VTA1: variants seen among roughly 807,000 people sequenced by gnomAD.
VTA1 encodes vesicle trafficking 1, also known as vacuolar protein sorting-associated protein VTA1 homolog.
In VTA1, 24 loss-of-function variants were observed where a neutral mutation model predicts 36.9. That is an observed-to-expected ratio of 0.65 (90% confidence interval 0.47 to 0.91). The LOEUF (loss-of-function observed/expected upper bound fraction) is 0.91. Ranked by LOEUF, VTA1 falls within the 40% of genes least tolerant of loss-of-function variation. The pLI, the probability that VTA1 is intolerant of heterozygous loss-of-function variation, is 0.00. For missense variants in VTA1, 393 were observed against 377.2 expected (o/e 1.04, Z -0.35); for synonymous variants, 142 against 130.2 (o/e 1.09, Z -0.62).
chr6:142,215,871 G>C (rs1244423408), intron 7 of VTA1, among the ~76,000 whole-genome samples: 1 of 152,124 alleles, frequency 6.6e-6, no homozygotes, highest in Admixed American at 6.5e-5. Context: ...TGCTGACCCA[G>C]GCTCTCTTTG....
intron 6 of VTA1, among the ~76,000 whole-genome samples, chr6:142,203,395 T>C (rs897028133): frequency 6.6e-6 from 1 of 152,092 alleles, no homozygotes; most frequent in African/African-American, 2.4e-5. Flanking sequence ...TTTAACACTT[T>C]TTGTTAGTTT....
intron 4 of VTA1, among the ~76,000 whole-genome samples, chr6:142,174,568 T>C (rs918211893): frequency 6.6e-6 from 1 of 152,254 alleles, no homozygotes; most frequent in Non-Finnish European, 1.5e-5. Flanking sequence ...TAGGAGACTA[T>C]TGGGAAGGGA....
intron 6 of VTA1, among the ~76,000 whole-genome samples, chr6:142,201,743 A>G (rs1775689402): frequency 6.6e-6 from 1 of 151,952 alleles, no homozygotes; most frequent in East Asian, 1.9e-4. Flanking sequence ...TGTTGTTGAT[A>G]CTCTGGCCTA....
At chr6:142,197,828 A>G (rs1030288102) in intron 5 of VTA1, among the ~76,000 whole-genome samples, 42 of 151,640 alleles carry the variant, frequency 2.8e-4, no homozygotes, top group Admixed American at 1.7e-3. Context: ...TAATTCCAGC[A>G]CTTTGGGAGG....
At chr6:142,147,491 C>T in intron 1 of VTA1, 92 bp downstream of exon 1, 6 of 1,314,490 alleles carry the variant, frequency 4.6e-6, no homozygotes, top group Non-Finnish European at 6.4e-6. Flanking sequence ...TGCCCCGCCC[C>T]CCTCGCTTTA....
Position 142,189,390 on chromosome 6 carries a change from A to G in VTA1, c.412-36A>G, listed in dbSNP as rs768568612. ...AATGTTTACTTTTTACTTCTTTACC[A>G]TAGTCCAATGTTGATATAAAAATGC... On this transcript the variant is annotated intron_variant, in intron 4 of 7. Coordinates refer to ENST00000367630, the MANE Select transcript of VTA1 (RefSeq NM_016485.5). 30 of 1,497,186 alleles carry G rather than the reference A, an allele frequency of 2.0e-5. No individual in the cohort carries two copies. In the East Asian group the frequency reaches 6.1e-4, roughly 31 times the overall value. The allele number at this position is 1,497,186 out of a possible 1,614,324, so 92.7% of individuals were successfully genotyped here. A position where few individuals can be genotyped will look rare whatever the true frequency, so the allele number is the denominator to read the frequency against.
intron 4 of VTA1, among the ~76,000 whole-genome samples, chr6:142,181,473 A>ATATATATATG (rs1491432773): frequency 9.2e-5 from 13 of 141,630 alleles, no homozygotes; most frequent in African/African-American, 3.4e-4. Context: ...ATATATATAT[A>ATATATATATG]TGTATATGTA....
intron 1 of VTA1, among the ~76,000 whole-genome samples, chr6:142,163,778 C>G (rs1441493573): frequency 6.6e-6 from 1 of 152,006 alleles, no homozygotes; most frequent in Non-Finnish European, 1.5e-5. Context: ...AGCAGCAAGT[C>G]TCAACCTTTT....
chr6:142,170,107 C>A (rs952877707), intron 3 of VTA1, among the ~76,000 whole-genome samples: 1 of 152,024 alleles, frequency 6.6e-6, no homozygotes, highest in African/African-American at 2.4e-5. Context: ...TTTCTAAAGT[C>A]AAAAACATAC....
intron 7 of VTA1, among the ~76,000 whole-genome samples, chr6:142,213,153 G>C (rs924114861): frequency 1.6e-4 from 25 of 152,192 alleles, no homozygotes; most frequent in African/African-American, 6.0e-4. Context: ...GAGGGTGCAG[G>C]CACTGGATAA....
At chr6:142,186,466 A>G (rs886773760) in intron 4 of VTA1, among the ~76,000 whole-genome samples, 2 of 152,176 alleles carry the variant, frequency 1.3e-5, no homozygotes, top group African/African-American at 2.4e-5. Context: ...AAGTTGGGAC[A>G]AATTAGGGGG....
chr6:142,176,784 G>A (rs1022105533), intron 4 of VTA1, among the ~76,000 whole-genome samples: 3 of 152,104 alleles, frequency 2.0e-5, no homozygotes, highest in African/African-American at 4.8e-5. Context: ...TCACAAACTC[G>A]TAAGCAGTTT....
intron 4 of VTA1, among the ~76,000 whole-genome samples, chr6:142,176,612 T>G (rs1458926876): frequency 6.6e-6 from 1 of 152,140 alleles, no homozygotes; most frequent in Admixed American, 6.5e-5. Context: ...TTTTTTTTTT[T>G]TTTTAAATTT....
Position 142,147,317 on chromosome 6 carries a change from C to G in VTA1, c.30C>G (p.Leu10=), listed in dbSNP as rs750897371. 5 of 1,614,098 alleles carry G rather than the reference C, an allele frequency of 3.1e-6. No individual in the cohort carries two copies. Among genetic ancestry groups the G allele is most frequent in the African/African-American group, 1.3e-5 (1 of 74,942 alleles). ...CCGCGCTTGCACCGCTGCCCCCGCT[C>G]CCCGCACAGTTCAAGAGCATACAGC... MAALAPLPP[L]PAQFKSIQHH... The change falls in exon 1 of 8, where the codon CTC becomes CTG. Residue 10 remains leucine, a synonymous_variant. Coordinates refer to ENST00000367630, the MANE Select transcript of VTA1 (RefSeq NM_016485.5).
intron 5 of VTA1, among the ~76,000 whole-genome samples, chr6:142,195,116 G>C (rs1429747037): frequency 6.6e-6 from 1 of 152,094 alleles, no homozygotes; most frequent in Non-Finnish European, 1.5e-5. Context: ...CAAGGTGAAA[G>C]TAATCCCTTC....
intron 2 of VTA1, among the ~76,000 whole-genome samples, chr6:142,168,740 C>CATCATT (rs750613222): frequency 3.6e-5 from 5 of 140,808 alleles, no homozygotes; most frequent in Admixed American, 7.2e-5. Context: ...TGAGAGATAT[C>CATCATT]ATTATTATTA....
At chr6:142,217,335 A>G (rs1025026187) in intron 7 of VTA1, among the ~76,000 whole-genome samples, 1 of 152,184 alleles carries the variant, frequency 6.6e-6, no homozygotes, top group African/African-American at 2.4e-5. Context: ...TTTAAAATAC[A>G]GCTTTTTCAT....
intron 4 of VTA1, among the ~76,000 whole-genome samples, chr6:142,183,825 GT>G (rs1005950840): frequency 3.2e-4 from 48 of 152,322 alleles, no homozygotes; most frequent in African/African-American, 1.1e-3. Flanking sequence ...GAATAGGGAT[GT>G]TTTGGAAACA....
intron 5 of VTA1, among the ~76,000 whole-genome samples, chr6:142,198,117 A>ATGTGTGTGTGTGTGTGTG (rs1265860816): frequency 2.5e-4 from 20 of 78,660 alleles, no homozygotes; most frequent in African/African-American, 6.8e-4. Flanking sequence ...ATATATATAT[A>ATGTGTGTGTGTGTGTGTG]TATGTGTGTG....
Sources: allele counts gnomAD v4.1 joint callset (sites outside exome capture counted in the v4.1 genomes callset), GRCh38; gene constraint gnomAD v4.1.1; transcripts MANE v1.5; gene names NCBI Gene and HGNC (gene_info 2026-07-23, HGNC 2026-07-21).